Variants in MTMR2 observed in about 807,000 individuals in gnomAD.
MTMR2 encodes the protein phosphatidylinositol-3,5-bisphosphate 3-phosphatase MTMR2.
A neutral mutation model predicts 86.9 loss-of-function variants in MTMR2; 55 were observed. That is an observed-to-expected ratio of 0.63 (90% CI 0.51 to 0.79). MTMR2 has a LOEUF of 0.79. Among genes scored for constraint, MTMR2 ranks in the 30% least tolerant of loss-of-function variants. MTMR2 has a pLI of 0.00. For synonymous variants in MTMR2, 241 were observed against 266.8 expected (o/e 0.90, Z 0.94); for missense variants, 659 against 772.3 (o/e 0.85, Z 1.74).
At chr11:95,911,379 C>T (rs896713053) in intron 1 of MTMR2, among the ~76,000 whole-genome samples, 25 of 152,026 alleles carry the variant, frequency 1.6e-4, no homozygotes, top group African/African-American at 6.0e-4. Flanking sequence ...TGTTTTTTCT[C>T]CAGAGTATTG....
At chr11:95,862,695 T>G (rs1006754214) in intron 3 of MTMR2, among the ~76,000 whole-genome samples, 46 of 152,282 alleles carry the variant, frequency 3.0e-4, no homozygotes, top group African/African-American at 1.1e-3. Flanking sequence ...AGAATACTGG[T>G]AATGGTGGTA....
At chr11:95,878,909 TG>T (rs1366806655) in intron 2 of MTMR2, among the ~76,000 whole-genome samples, 1 of 152,206 alleles carries the variant, frequency 6.6e-6, no homozygotes, top group East Asian at 1.9e-4. Context: ...GTTTATGTAC[TG>T]TTTTTAGAAG....
chr11:95,840,618 G>A (rs558550355), intron 12 of MTMR2, among the ~76,000 whole-genome samples: 30 of 152,124 alleles, frequency 2.0e-4, no homozygotes, highest in African/African-American at 6.3e-4. Flanking sequence ...CTACAAAAAT[G>A]CTTCATTTAA....
At position 95,858,570 on chromosome 11, in the gene MTMR2, C is replaced by T. The variant is rs1255883778; in HGVS notation, c.531G>A (p.Glu177=). Reference sequence around the variant, plus strand: ...CAGGAAATGCATATTTCATTAGATTCTCAAATATGGATCTTCTTGTCCGCC... The same window carrying T: ...CAGGAAATGCATATTTCATTAGATTTTCAAATATGGATCTTCTTGTCCGCC... The part of the protein sequence containing the change: ...PEGRTRRSIF[E]NLMKYAFPVS... The change falls in exon 6 of 15, where the codon GAG becomes GAA. Residue 177 remains glutamate, a synonymous_variant. Transcript: ENST00000346299. 6.2e-7 allele frequency: 1 copy of T among 1,612,646 alleles called. No homozygotes were observed. Among genetic ancestry groups the T allele is most frequent in the Admixed American group, 1.7e-5 (1 of 60,006 alleles).
chr11:95,859,397 GA>G (rs1161167867), intron 5 of MTMR2, among the ~76,000 whole-genome samples: 1 of 152,062 alleles, frequency 6.6e-6, no homozygotes, highest in Non-Finnish European at 1.5e-5. Flanking sequence ...ACAGCACTTA[GA>G]AAAAAACTGG....
intron 5 of MTMR2, 50 bp from the exon 6 acceptor site, chr11:95,858,682 A>AGTAAGTAG: frequency 8.7e-7 from 1 of 1,151,410 alleles, no homozygotes. Context: ...ACTTACTTAA[A>AGTAAGTAG]TGAATAAATA....
intron 1 of MTMR2, among the ~76,000 whole-genome samples, chr11:95,899,333 T>C (rs1865989219): frequency 6.6e-6 from 1 of 152,136 alleles, no homozygotes; most frequent in African/African-American, 2.4e-5. Flanking sequence ...TGTGCCAAAT[T>C]AGACAGTAAA....
rs1381916616 is a variant in MTMR2, at chr11:95,834,618, CTTCA to C, written c.*668_*671del. ...AACTCCTGTATGGCTACTTTCTCCC[CTTCA>C]TTTTCCCCCAAGCACATCTATAAGG... On this transcript the variant is annotated 3_prime_UTR_variant, in exon 15 of 15. Transcript: ENST00000346299. The C allele has an allele frequency of 1.3e-5, 2 of 152,292 alleles. No individual in the cohort carries two copies. Among genetic ancestry groups the C allele is most frequent in the African/African-American group, 2.4e-5 (1 of 41,404 alleles). The allele number at this position is 152,292 out of a possible 1,614,324, so 9.4% of individuals were successfully genotyped here.
chr11:95,866,159 T>C (rs577796800), intron 2 of MTMR2, among the ~76,000 whole-genome samples: 1 of 151,982 alleles, frequency 6.6e-6, no homozygotes, highest in East Asian at 1.9e-4. Context: ...TTAGAGAATT[T>C]AGAAATGATG....
intron 1 of MTMR2, among the ~76,000 whole-genome samples, chr11:95,901,276 C>A (rs934575993): frequency 1.3e-5 from 2 of 152,152 alleles, no homozygotes; most frequent in Admixed American, 6.6e-5. Flanking sequence ...TGGCCCCACA[C>A]TCTCTCTCCA....
At chr11:95,903,551 A>G (rs1009282659) in intron 1 of MTMR2, among the ~76,000 whole-genome samples, 1 of 152,100 alleles carries the variant, frequency 6.6e-6, no homozygotes, top group Non-Finnish European at 1.5e-5. Context: ...TAGACCCTTA[A>G]TACTGCCTAG....
At chr11:95,892,312 A>G (rs911587873) in intron 1 of MTMR2, among the ~76,000 whole-genome samples, 1 of 152,172 alleles carries the variant, frequency 6.6e-6, no homozygotes, top group African/African-American at 2.4e-5. Flanking sequence ...ACCTGGTTTA[A>G]AAAACTAACT....
Position 95,865,626 on chromosome 11 carries a change from A to C in MTMR2, c.237T>G (p.Leu79=), listed in dbSNP as rs1864585316. The C allele has an allele frequency of 6.2e-7, 1 of 1,613,912 alleles. No individual in the cohort carries two copies. Among genetic ancestry groups the C allele is most frequent in the East Asian group, 2.2e-5 (1 of 44,868 alleles). ...CCATGTCTTTAATATTTTCTCCTGG[A>C]AGCAAGGGTGGTTCTTCCATTTCTG... ...KLAEMEEPPL[L]PGENIKDMAK... The change falls in exon 3 of 15, where the codon CTT becomes CTG. Residue 79 remains leucine (L), a synonymous_variant. Coordinates refer to ENST00000346299, the MANE Select transcript of MTMR2 (RefSeq NM_016156.6).
chr11:95,858,453 C>G, intron 6 of MTMR2, 78 bp downstream of exon 6: 2 of 934,746 alleles, frequency 2.1e-6, no homozygotes, highest in Admixed American at 1.7e-5. Context: ...TGTAGAGATT[C>G]TAGACAGCCT....
chr11:95,858,737 T>C lies in MTMR2; in HGVS notation c.469-105A>G. On this transcript the variant is annotated intron_variant, in intron 5 of 14. Transcript: ENST00000346299. ...TGTAAAATGTTAAGATCTGTGAATG[T>C]GGGATACAAAAATAAATCAGACATC... is the stretch of plus-strand genomic sequence containing the variant. 4 of 774,024 alleles carry C rather than the reference T, an allele frequency of 5.2e-6. No individual in the cohort carries two copies. In the Admixed American group the frequency reaches 8.1e-5, roughly 16 times the overall value. 47.9% of individuals were successfully genotyped at this position (774,024 alleles called of 1,614,324 possible). A position where few individuals can be genotyped will look rare whatever the true frequency, so the allele number is the denominator to read the frequency against.
chr11:95,852,041 A>G (rs1016059625), intron 7 of MTMR2, among the ~76,000 whole-genome samples: 7 of 152,226 alleles, frequency 4.6e-5, no homozygotes, highest in African/African-American at 1.7e-4. Flanking sequence ...GGTTGGACTT[A>G]AGAAAATCTA....
rs182269063 is a variant in MTMR2 at position 95,863,664 on chromosome 11, A to C, written c.263-1298T>G. On this transcript the variant is annotated intron_variant, in intron 3 of 14. Coordinates refer to ENST00000346299, the MANE Select transcript of MTMR2 (RefSeq NM_016156.6). ...GTCAATTTTCTTACTCATGTAAGAA[A>C]ACTCAGCCTTATTATCCTATATCCC... is the stretch of plus-strand genomic sequence containing the variant. Among the ~76,000 whole-genome samples, 578 of 152,144 alleles carry C rather than the reference A, an allele frequency of 3.8e-3. 2 individuals carry two copies. The highest frequency in any genetic ancestry group is 6.8e-3 in the Middle Eastern group (2 of 294).
At chr11:95,848,076 T>G (rs188667271) in intron 9 of MTMR2, among the ~76,000 whole-genome samples, 177 bp from the exon 10 acceptor site, 15 of 152,318 alleles carry the variant, frequency 9.8e-5, no homozygotes, top group Admixed American at 5.2e-4. Flanking sequence ...CTTTCTTGTG[T>G]TCTTCTTTAC....
rs1863083205 is a variant in MTMR2 at position 95,832,928 on chromosome 11, T to C, written c.*2362A>G. The C allele has an allele frequency of 6.6e-6, 1 of 152,158 alleles. No individual in the cohort carries two copies. The highest frequency in any genetic ancestry group is 1.5e-5 in the Non-Finnish European group (1 of 68,026). The allele number at this position is 152,158 out of a possible 1,614,324, so 9.4% of individuals were successfully genotyped here. ...GCAATTCATTTCAAATAAGGTTATGTTTACAGACTTGTGGTAGACATGTGA... is the reference window on the plus strand; with the variant it reads ...GCAATTCATTTCAAATAAGGTTATGCTTACAGACTTGTGGTAGACATGTGA... On this transcript the variant is annotated 3_prime_UTR_variant, in exon 15 of 15. Coordinates refer to ENST00000346299, the MANE Select transcript of MTMR2 (RefSeq NM_016156.6).
Sources: allele counts gnomAD v4.1 joint callset (sites outside exome capture counted in the v4.1 genomes callset), GRCh38; gene constraint gnomAD v4.1.1; transcripts MANE v1.5; gene names NCBI Gene and HGNC (gene_info 2026-07-23, HGNC 2026-07-21).